Variants in PCDHGB1 observed in about 807,000 individuals in gnomAD.
PCDHGB1 encodes protocadherin gamma subfamily B, 1.
Under a neutral mutation model 56.6 loss-of-function variants are expected in PCDHGB1, and 34 were observed. The ratio of observed to expected loss-of-function variants is 0.60; its 90% CI spans 0.46 to 0.80. The LOEUF is 0.80. PCDHGB1 is among the 30% of genes least tolerant of loss of function. The pLI, the probability that PCDHGB1 is intolerant of heterozygous loss-of-function variation, is 0.00. For synonymous variants in PCDHGB1, 561 were observed against 505.9 expected (o/e 1.11, Z -1.46); for missense variants, 1,278 against 1,204.6 (o/e 1.06, Z -0.90).
In PCDHGB1 at chr5:141,432,510, C is replaced by A; in HGVS notation, c.2410-62297C>A. 1 of 1,614,140 alleles carries A rather than the reference C, an allele frequency of 6.2e-7. No homozygotes were observed. The highest frequency in any genetic ancestry group is 8.5e-7 in the Non-Finnish European group (1 of 1,180,042). On this transcript the variant is annotated intron_variant, in intron 1 of 3. Coordinates refer to ENST00000523390, the MANE Select transcript of PCDHGB1 (RefSeq NM_018922.3). The surrounding 1 kb of genome is among the most constrained non-coding windows in gnomAD (Gnocchi z 6.0). ...GAGCTGGCTCCCCGCTCCGCAGAGCCCGGCTACCTGGTGACCAAGGTGGTG... is the reference window on the plus strand; with the variant it reads ...GAGCTGGCTCCCCGCTCCGCAGAGCACGGCTACCTGGTGACCAAGGTGGTG...
intron 1 of PCDHGB1, chr5:141,361,423 C>T (rs760185392): frequency 2.5e-6 from 4 of 1,613,938 alleles, no homozygotes; most frequent in South Asian, 2.2e-5. Context: ...CGGGGGCAAG[C>T]CGCCCCTCTC....
intron 1 of PCDHGB1, chr5:141,356,537 A>T (rs749492777): frequency 1.2e-6 from 2 of 1,614,146 alleles, no homozygotes; most frequent in South Asian, 2.2e-5. Context: ...ATGGACATCA[A>T]TGACAACCCA....
chr5:141,421,388 G>A (rs369403750), intron 1 of PCDHGB1: 1 of 1,613,934 alleles, frequency 6.2e-7, no homozygotes, highest in Non-Finnish European at 8.5e-7. Context: ...AAGGACCTGG[G>A]GCTGGAGCCC....
In PCDHGB1 at chr5:141,487,260, C is replaced by T; in HGVS notation, c.2410-7547C>T. 6.2e-7 allele frequency: 1 copy of T among 1,614,116 alleles called. No homozygotes were observed. The highest frequency in any genetic ancestry group is 1.1e-5 in the South Asian group (1 of 91,080). On this transcript the variant is annotated intron_variant, in intron 1 of 3. Coordinates refer to ENST00000523390, the MANE Select transcript of PCDHGB1 (RefSeq NM_018922.3). The surrounding 1 kb of genome is among the most constrained non-coding windows in gnomAD (Gnocchi z 5.0). ...CGTCTAACCCTCTACTTGGCTGTGT[C>T]CCTAGTGGCAATTTGCTTTGTCTCC...
intron 1 of PCDHGB1, among the ~76,000 whole-genome samples, chr5:141,450,363 T>C (rs2098678373): frequency 6.6e-6 from 1 of 152,162 alleles, no homozygotes; most frequent in Admixed American, 6.5e-5. Flanking sequence ...TTCCTCAGCC[T>C]TGTTTGTTTA....
chr5:141,414,781 G>T, intron 1 of PCDHGB1: 2 of 1,614,230 alleles, frequency 1.2e-6, no homozygotes, highest in Non-Finnish European at 1.7e-6. Flanking sequence ...ACAGATGCAG[G>T]TGACAGCCAG....
intron 1 of PCDHGB1, chr5:141,356,342 T>A: frequency 6.4e-7 from 1 of 1,555,016 alleles, no homozygotes; most frequent in Non-Finnish European, 8.7e-7. Context: ...GGAAATGGCC[T>A]AGTCACATGT....
chr5:141,389,977 CAG>C (rs1303197054), intron 1 of PCDHGB1: 1 of 1,613,936 alleles, frequency 6.2e-7, no homozygotes, highest in Non-Finnish European at 8.5e-7. Flanking sequence ...GCCTTGATCT[CAG>C]TGCTCTTCCT....
chr5:141,491,368 A>G lies in PCDHGB1; in HGVS notation c.2410-3439A>G. ...CAGTCTCTTATCCCTAGTCACCTTC[A>G]CCTTTCTGTCAGCGAAGTGCCTTCA... On this transcript the variant is annotated intron_variant, in intron 1 of 3. Transcript: ENST00000523390. This position sits in a 1 kb window ranked among gnomAD's most constrained non-coding sequence, Gnocchi z 6.9. 6.2e-7 allele frequency: 1 copy of G among 1,613,842 alleles called. No homozygotes were observed. The highest frequency in any genetic ancestry group is 8.5e-7 in the Non-Finnish European group (1 of 1,179,940).
intron 1 of PCDHGB1, chr5:141,418,120 G>A: frequency 6.2e-7 from 1 of 1,614,084 alleles, no homozygotes; most frequent in Non-Finnish European, 8.5e-7. Context: ...TACTTGTGAA[G>A]GACCGAATAG....
At chr5:141,361,782 C>T (rs1762181637) in intron 1 of PCDHGB1, 3 of 1,613,242 alleles carry the variant, frequency 1.9e-6, no homozygotes, top group Non-Finnish European at 2.5e-6. Flanking sequence ...TGAGCCTGCG[C>T]GTGTTAGTGG....
intron 1 of PCDHGB1, chr5:141,399,117 A>C (rs370431268): frequency 6.2e-6 from 10 of 1,613,848 alleles, no homozygotes; most frequent in Non-Finnish European, 8.5e-6. Flanking sequence ...GTACAGTTGA[A>C]ATTAATATTC....
chr5:141,364,479 A>G (rs761634575), intron 1 of PCDHGB1: 1 of 1,614,046 alleles, frequency 6.2e-7, no homozygotes, highest in East Asian at 2.2e-5. Flanking sequence ...AACATAGCCA[A>G]GGACCTTGGG....
In PCDHGB1 at chr5:141,477,292, A is replaced by G; in HGVS notation, c.2410-17515A>G. The G allele has an allele frequency of 1.2e-6, 2 of 1,614,114 alleles. No individual in the cohort carries two copies. The highest frequency in any genetic ancestry group is 4.5e-5 in the East Asian group (2 of 44,862). On this transcript the variant is annotated intron_variant, in intron 1 of 3. Transcript: ENST00000523390. The surrounding 1 kb of genome is among the most constrained non-coding windows in gnomAD (Gnocchi z 4.9). ...ACGGGCTGGTGACCTGCGAAGTTCCACCGGGTCTCCCTTTCAGCCTTACTT... is the reference window on the plus strand; with the variant it reads ...ACGGGCTGGTGACCTGCGAAGTTCCGCCGGGTCTCCCTTTCAGCCTTACTT...
rs988237114 is a variant in PCDHGB1 at position 141,493,830 on chromosome 5, G to A, written c.2410-977G>A. On this transcript the variant is annotated intron_variant, in intron 1 of 3. Transcript: ENST00000523390. This position sits in a 1 kb window ranked among gnomAD's most constrained non-coding sequence, Gnocchi z 4.3. ...ATACTCACACTCTCTGCTTCTGGGA[G>A]CAAGTATGAGTATTAATTACCAGCC... 1.3e-5 allele frequency among the ~76,000 whole-genome samples: 2 copies of A among 152,218 alleles called. No individual in the cohort carries two copies. The highest frequency in any genetic ancestry group is 4.8e-5 in the African/African-American group (2 of 41,456).
intron 1 of PCDHGB1, chr5:141,423,620 C>G: frequency 6.2e-7 from 1 of 1,608,268 alleles, no homozygotes; most frequent in Non-Finnish European, 8.5e-7. Flanking sequence ...GCTGAAGACT[C>G]AGCTATCATT....
chr5:141,356,155 G>A lies in PCDHGB1; in HGVS notation c.2409+3486G>A, dbSNP rs542430789. 3.1e-6 allele frequency: 5 copies of A among 1,613,388 alleles called. No homozygotes were observed. In the South Asian group the frequency reaches 5.5e-5, roughly 18 times the overall value. Reference sequence around the variant, plus strand: ...GGACTCTGGATTCTATGACATAGATGTAGAAGCCCATGATGGGCCTGGTCT... The same window carrying A: ...GGACTCTGGATTCTATGACATAGATATAGAAGCCCATGATGGGCCTGGTCT... On this transcript the variant is annotated intron_variant, in intron 1 of 3. Transcript: ENST00000523390.
intron 1 of PCDHGB1, chr5:141,441,978 A>T (rs769977785): frequency 9.1e-5 from 26 of 285,248 alleles, no homozygotes; most frequent in Non-Finnish European, 1.8e-4. Flanking sequence ...TCAGCCTGGA[A>T]TGCGCACCGA....
intron 1 of PCDHGB1, chr5:141,420,333 A>G (rs778366534): frequency 2.1e-6 from 3 of 1,402,720 alleles, no homozygotes; most frequent in Non-Finnish European, 2.9e-6. Flanking sequence ...ATATATTCCA[A>G]TATAGTGGTA....
Sources: allele counts gnomAD v4.1 joint callset (sites outside exome capture counted in the v4.1 genomes callset), GRCh38; gene constraint gnomAD v4.1.1; non-coding constraint Gnocchi (gnomAD v3.1); transcripts MANE v1.5; gene names NCBI Gene and HGNC (gene_info 2026-07-23, HGNC 2026-07-21).